DPYSL3: variants seen among roughly 807,000 people sequenced by gnomAD.
The protein encoded by DPYSL3 is dihydropyrimidinase like 3.
A neutral mutation model predicts 66.1 loss-of-function variants in DPYSL3; 16 were observed. The observed-to-expected ratio is 0.24, with a 90% CI of 0.16 to 0.37. The LOEUF (loss-of-function observed/expected upper bound fraction) is 0.37, where lower values mean the gene tolerates loss of function less well. Ranked by LOEUF, DPYSL3 falls within the 10% of genes least tolerant of loss-of-function variation. The probability of loss-of-function intolerance (pLI) is 1.00; values close to 1 mark genes in which losing one functional copy is unlikely to be tolerated. For missense variants in DPYSL3, 738 were observed against 916.2 expected, an observed-to-expected ratio of 0.81 and a Z score of 2.51; for synonymous variants, 338 against 345.1, an observed-to-expected ratio of 0.98 and a Z score of 0.23.
In DPYSL3 at chr5:147,418,586, A is replaced by G. The variant is rs1032260219; in HGVS notation, c.516T>C (p.Ile172=). Residue 172 remains isoleucine, a synonymous_variant, in exon 3 of 14, where the codon ATT becomes ATC. Transcript: ENST00000343218. Reference sequence around the variant, plus strand: ...GGATCACCATCTTCCCATTGGCTTCAATGGTCTTCACTCCTCCAGGAACAA... The same window carrying G: ...GGATCACCATCTTCCCATTGGCTTCGATGGTCTTCACTCCTCCAGGAACAA... ...NLIVPGGVKT[I]EANGKMVIPG... 2.5e-6 allele frequency: 4 copies of G among 1,611,684 alleles called. No homozygotes were observed. The South Asian group carries it at 4.4e-5, about 18-fold the overall frequency.
chr5:147,485,006 C>T (rs1419665404), intron 1 of DPYSL3, among the ~76,000 whole-genome samples: 1 of 152,158 alleles, frequency 6.6e-6, no homozygotes, highest in Non-Finnish European at 1.5e-5. Context: ...TGTATATTTT[C>T]CTACAGCCCA....
chr5:147,398,933 T>C (rs1758079765), intron 11 of DPYSL3, 149 bp downstream of exon 11: 1 of 1,116,720 alleles, frequency 9.0e-7, no homozygotes, highest in South Asian at 1.6e-5. Flanking sequence ...ACAGTTGAGG[T>C]TTTGAGCCAC....
intron 2 of DPYSL3, among the ~76,000 whole-genome samples, chr5:147,420,993 T>A (rs1752066012): frequency 6.6e-6 from 1 of 152,118 alleles, no homozygotes; most frequent in Non-Finnish European, 1.5e-5. Context: ...CTATTCAACA[T>A]CGTATTGGAA....
chr5:147,467,030 C>A (rs1753020020), intron 1 of DPYSL3, among the ~76,000 whole-genome samples: 6 of 152,070 alleles, frequency 3.9e-5, no homozygotes, highest in Admixed American at 3.9e-4. Flanking sequence ...CCAAATAAGA[C>A]CCTAGATTTC....
chr5:147,479,073 A>G (rs531290248), intron 1 of DPYSL3, among the ~76,000 whole-genome samples: 5 of 152,250 alleles, frequency 3.3e-5, no homozygotes, highest in Admixed American at 3.3e-4. Context: ...AGTTAATTAA[A>G]GGAAAAAAAA....
rs904009182 is a variant in DPYSL3, at chr5:147,503,319, T to C, written c.381+6159A>G. Among the ~76,000 whole-genome samples, 9 of 152,316 alleles carry C rather than the reference T, an allele frequency of 5.9e-5. No homozygotes were observed. The East Asian group carries it at 1.4e-3, about 23-fold the overall frequency. On this transcript the variant is annotated intron_variant, in intron 1 of 13. Transcript: ENST00000343218. ...ACATTTTATGATGATCATAAGATGT[T>C]TTCTTTTTAAAGACAGGGTCTCACT... is the stretch of plus-strand genomic sequence containing the variant.
chr5:147,502,646 G>C (rs769192793), intron 1 of DPYSL3, among the ~76,000 whole-genome samples: 13 of 142,430 alleles, frequency 9.1e-5, no homozygotes, highest in East Asian at 2.2e-4. Context: ...GCGCAGTCTC[G>C]GCTCACTGCA....
intron 1 of DPYSL3, among the ~76,000 whole-genome samples, chr5:147,456,733 G>C (rs1308731976): frequency 6.6e-6 from 1 of 151,730 alleles, no homozygotes; most frequent in Non-Finnish European, 1.5e-5. Context: ...TGGCATTACA[G>C]GTGTCTGCCA....
At chr5:147,450,289 A>G (rs1193255397) in intron 1 of DPYSL3, among the ~76,000 whole-genome samples, 1 of 152,260 alleles carries the variant, frequency 6.6e-6, no homozygotes, top group African/African-American at 2.4e-5. Context: ...ATAAAAAAAC[A>G]TAATACCTGA....
At chr5:147,400,277 G>T (rs183859295) in intron 10 of DPYSL3, among the ~76,000 whole-genome samples, 1 of 152,116 alleles carries the variant, frequency 6.6e-6, no homozygotes, top group Admixed American at 6.5e-5. Flanking sequence ...AGTACAGGGC[G>T]TCCTTGATAA....
intron 1 of DPYSL3, among the ~76,000 whole-genome samples, chr5:147,432,053 T>C (rs1244014808): frequency 6.6e-6 from 1 of 152,164 alleles, no homozygotes; most frequent in Non-Finnish European, 1.5e-5. Context: ...GGGCATAGTT[T>C]ACCAGGGTTG....
intron 5 of DPYSL3, 94 bp downstream of exon 5, chr5:147,413,502 G>A: frequency 1.0e-6 from 1 of 977,682 alleles, no homozygotes; most frequent in Non-Finnish European, 1.6e-6. Flanking sequence ...CTCCCACAGT[G>A]ACCACAGTGA....
rs562628165 is a variant in DPYSL3 at position 147,493,939 on chromosome 5, G to A, written c.381+15539C>T. 2.6e-3 allele frequency among the ~76,000 whole-genome samples: 403 copies of A among 152,196 alleles called. 1 individual carries two copies. Among genetic ancestry groups the A allele is most frequent in the Non-Finnish European group, 4.4e-3 (300 of 67,996 alleles). On this transcript the variant is annotated intron_variant, in intron 1 of 13. Coordinates refer to ENST00000343218, the MANE Select transcript of DPYSL3 (RefSeq NM_001197294.2). The stretch of plus-strand genomic sequence containing the variant: ...CAGGCGCAGTGGCTCATGCCTGTAA[G>A]CCCAACACTTTGGGAGGCTGAGGCA...
chr5:147,490,362 A>G (rs906719204), intron 1 of DPYSL3, among the ~76,000 whole-genome samples: 4 of 152,238 alleles, frequency 2.6e-5, no homozygotes, highest in African/African-American at 7.2e-5. Context: ...TATAATAACA[A>G]AAGAAGAGAA....
At chr5:147,488,969 C>T (rs565728783) in intron 1 of DPYSL3, among the ~76,000 whole-genome samples, 26 of 149,726 alleles carry the variant, frequency 1.7e-4, no homozygotes, top group Middle Eastern at 7.1e-3. Context: ...GAGCTGAGAT[C>T]GCACCACTGT....
chr5:147,464,580 G>A (rs1752984527), intron 1 of DPYSL3, among the ~76,000 whole-genome samples: 1 of 152,166 alleles, frequency 6.6e-6, no homozygotes, highest in South Asian at 2.1e-4. Flanking sequence ...AGTATGTATA[G>A]TACCTTTGTG....
intron 5 of DPYSL3, among the ~76,000 whole-genome samples, 182 bp downstream of exon 5, chr5:147,413,414 A>G (rs1344153304): frequency 1.3e-5 from 2 of 152,204 alleles, no homozygotes; most frequent in Non-Finnish European, 2.9e-5. Context: ...CTGTCTTGCC[A>G]TGGGCACCCT....
chr5:147,432,663 C>T (rs888979807), intron 1 of DPYSL3, among the ~76,000 whole-genome samples: 40 of 152,130 alleles, frequency 2.6e-4, no homozygotes, highest in Non-Finnish European at 1.5e-4. Flanking sequence ...CCATTCTCAA[C>T]GAGAAAGGTC....
intron 10 of DPYSL3, among the ~76,000 whole-genome samples, chr5:147,400,395 T>A (rs933283391): frequency 6.6e-6 from 1 of 152,152 alleles, no homozygotes; most frequent in Non-Finnish European, 1.5e-5. Context: ...AAGAATTAAC[T>A]CACTATTATT....
Sources: gnomAD v4.1 joint callset for allele counts (sites outside exome capture counted in the v4.1 genomes callset) on GRCh38, gnomAD v4.1.1 for gene constraint, MANE v1.5 for transcripts, NCBI Gene and HGNC (gene_info 2026-07-23, HGNC 2026-07-21) for gene names.